The following MAPK8IP3 variants were observed in gnomAD, a reference collection of about 807,000 sequenced individuals.
MAPK8IP3 encodes the protein mitogen-activated protein kinase 8 interacting protein 3.
Under a neutral mutation model 157.8 loss-of-function variants are expected in MAPK8IP3, and 49 were observed. The observed-to-expected ratio is 0.31, with a 90% CI of 0.25 to 0.39. The LOEUF is 0.39. MAPK8IP3 is among the 10% of genes least tolerant of loss of function. The pLI, the probability that MAPK8IP3 is intolerant of heterozygous loss-of-function variation, is 1.00. For missense variants in MAPK8IP3, 1,478 were observed against 1,889.4 expected, an observed-to-expected ratio of 0.78 and a Z score of 4.04; for synonymous variants, 897 against 777.7, an observed-to-expected ratio of 1.15 and a Z score of -2.55.
Position 1,764,994 on chromosome 16 carries a change from A to G in MAPK8IP3, c.2281-19A>G. On this transcript the variant is annotated intron_variant, in intron 19 of 31. Coordinates refer to ENST00000610761, the MANE Select transcript of MAPK8IP3 (RefSeq NM_001318852.2). ...GCCTCAAGCTCGGGCTCTGACCTTG[A>G]TCCCGTGCCCTGAAACAGGCCAAGG... 1 of 1,592,800 alleles carries G rather than the reference A, an allele frequency of 6.3e-7. No individual in the cohort carries two copies. The highest frequency in any genetic ancestry group is 8.6e-7 in the Non-Finnish European group (1 of 1,164,142).
intron 8 of MAPK8IP3, among the ~76,000 whole-genome samples, chr16:1,754,197 A>G (rs112217015): frequency 6.6e-6 from 1 of 152,120 alleles, no homozygotes; most frequent in African/African-American, 2.4e-5. Flanking sequence ...AATTGGCCTA[A>G]TAGGGAGTAA....
In MAPK8IP3 at chr16:1,724,829, GC is replaced by G. The variant is rs2038764956; in HGVS notation, c.439+154del. 9.6e-7 allele frequency: 1 copy of G among 1,038,194 alleles called. No homozygotes were observed. The allele number at this position is 1,038,194 out of a possible 1,614,324, so 64.3% of individuals were successfully genotyped here. On this transcript the variant is annotated intron_variant, in intron 2 of 31. Transcript: ENST00000610761. The surrounding 1 kb of genome is among the most constrained non-coding windows in gnomAD (Gnocchi z 4.1). ...ATGTATTCCAGCTCTTTGTACTGCT[GC>G]CTGTTTCTGTAATGGGCCCCAGATT...
chr16:1,766,843 A>G lies in MAPK8IP3; in HGVS notation c.3020+40A>G, dbSNP rs568241488. On this transcript the variant is annotated intron_variant, in intron 24 of 31. Coordinates refer to ENST00000610761, the MANE Select transcript of MAPK8IP3 (RefSeq NM_001318852.2). ...ACCGAGGGCCGGGCGGCGCGGGGGAACGGGGCGGAGGGGGCTGGCACAGCC... is the reference window on the plus strand; with the variant it reads ...ACCGAGGGCCGGGCGGCGCGGGGGAGCGGGGCGGAGGGGGCTGGCACAGCC... 1.7e-4 allele frequency: 277 copies of G among 1,611,930 alleles called. 6 individuals carry two copies. In the South Asian group the frequency reaches 2.9e-3, roughly 17 times the overall value.
In MAPK8IP3 at chr16:1,743,515, G is replaced by T; in HGVS notation, c.747+39G>T. ...GCCGTGGAGTGAGAGGCTCCTCCCTGTTGCTGGTGTTCCCCGTTCACTGGG... is the reference window on the plus strand; with the variant it reads ...GCCGTGGAGTGAGAGGCTCCTCCCTTTTGCTGGTGTTCCCCGTTCACTGGG... On this transcript the variant is annotated intron_variant, in intron 5 of 31. Transcript: ENST00000610761. This position sits in a 1 kb window ranked among gnomAD's most constrained non-coding sequence, Gnocchi z 5.6. 1 of 1,600,748 alleles carries T rather than the reference G, an allele frequency of 6.2e-7. No individual in the cohort carries two copies.
At chr16:1,727,024 G>T (rs1267203330) in intron 2 of MAPK8IP3, among the ~76,000 whole-genome samples, 3 of 150,900 alleles carry the variant, frequency 2.0e-5, no homozygotes, top group Non-Finnish European at 3.0e-5. Flanking sequence ...GCTGTGTGCG[G>T]CATCTGTGTG....
chr16:1,758,052 G>C (rs2041717336), intron 8 of MAPK8IP3, 96 bp from the exon 9 acceptor site: 1 of 1,278,776 alleles, frequency 7.8e-7, no homozygotes, highest in Non-Finnish European at 1.1e-6. Context: ...ATCATTGCTG[G>C]GTTTTCTGTA....
intron 2 of MAPK8IP3, among the ~76,000 whole-genome samples, chr16:1,725,522 G>A (rs1057106245): frequency 6.6e-6 from 1 of 151,504 alleles, no homozygotes; most frequent in Non-Finnish European, 1.5e-5. Flanking sequence ...AGCTACTCGG[G>A]CAACTGAGGC....
Position 1,751,099 on chromosome 16 carries a change from C to T in MAPK8IP3, c.1216+2379C>T, listed in dbSNP as rs1373323575. ...CCGTGGGTGGCAGCACTGACGGGCA[C>T]GGCCACCGTCGGTCCTTACTGCAGC... On this transcript the variant is annotated intron_variant, in intron 8 of 31. Transcript: ENST00000610761. The surrounding 1 kb of genome is among the most constrained non-coding windows in gnomAD (Gnocchi z 5.0). Among the ~76,000 whole-genome samples the T allele has an allele frequency of 2.0e-5, 3 of 152,192 alleles. No homozygotes were observed. The highest frequency in any genetic ancestry group is 2.9e-5 in the Non-Finnish European group (2 of 68,026).
intron 1 of MAPK8IP3, among the ~76,000 whole-genome samples, chr16:1,721,448 T>C (rs551440561): frequency 3.9e-5 from 6 of 152,320 alleles, no homozygotes; most frequent in Admixed American, 1.3e-4. Context: ...AAAACCTTTT[T>C]TTTTAGAGAG....
intron 2 of MAPK8IP3, among the ~76,000 whole-genome samples, chr16:1,727,380 C>T (rs1417563117): frequency 6.6e-6 from 1 of 151,824 alleles, no homozygotes; most frequent in Non-Finnish European, 1.5e-5. Context: ...TGTTATTTAC[C>T]ATGTGTGTTA....
At chr16:1,728,354 C>T (rs1380256342) in intron 2 of MAPK8IP3, among the ~76,000 whole-genome samples, 2 of 152,232 alleles carry the variant, frequency 1.3e-5, no homozygotes, top group Non-Finnish European at 2.9e-5. Flanking sequence ...CTGCCAGACA[C>T]GACCCTTTGA....
intron 1 of MAPK8IP3, among the ~76,000 whole-genome samples, chr16:1,720,133 C>T (rs1260724260): frequency 1.3e-5 from 2 of 152,194 alleles, no homozygotes; most frequent in African/African-American, 4.8e-5. Context: ...AACCTGGGTT[C>T]AAGCAATTCT....
intron 1 of MAPK8IP3, among the ~76,000 whole-genome samples, chr16:1,720,436 C>T (rs1390867300): frequency 6.6e-6 from 1 of 152,150 alleles, no homozygotes; most frequent in Non-Finnish European, 1.5e-5. Context: ...CAGCAGAACA[C>T]ACACCTGCCA....
At chr16:1,736,721 ACCGTCCGTGTGAGC>A (rs2039898818) in intron 4 of MAPK8IP3, among the ~76,000 whole-genome samples, 2 of 62,452 alleles carry the variant, frequency 3.2e-5, no homozygotes, top group African/African-American at 7.8e-5. Context: ...TGAGCGTGTG[ACCGTCCGTGTGAGC>A]GTGTGACCAT....
chr16:1,735,403 G>A (rs373685296), intron 4 of MAPK8IP3, among the ~76,000 whole-genome samples: 16 of 150,062 alleles, frequency 1.1e-4, no homozygotes, highest in Non-Finnish European at 1.8e-4. Flanking sequence ...ACGTGTGACC[G>A]TCCATGTGAG....
chr16:1,770,331 G>T lies in MAPK8IP3; in HGVS notation c.*1507G>T. The T allele has an allele frequency of 3.1e-6, 1 of 319,986 alleles. No homozygotes were observed. Among genetic ancestry groups the T allele is most frequent in the Non-Finnish European group, 5.7e-6 (1 of 174,754 alleles). 19.8% of individuals were successfully genotyped at this position (319,986 alleles called of 1,614,324 possible). A position where few individuals can be genotyped will look rare whatever the true frequency, so the allele number is the denominator to read the frequency against. ...CTTAACGTCGTAGCTGCCTGTTCCT[G>T]GGCCCAAATCGAAACGAAAACGAGG... On this transcript the variant is annotated 3_prime_UTR_variant, in exon 32 of 32. Coordinates refer to ENST00000610761, the MANE Select transcript of MAPK8IP3 (RefSeq NM_001318852.2).
intron 8 of MAPK8IP3, 113 bp downstream of exon 8, chr16:1,748,833 T>C (rs1455390403): frequency 4.3e-6 from 4 of 920,350 alleles, no homozygotes; most frequent in Middle Eastern, 2.1e-4. Flanking sequence ...GCTAGGAACC[T>C]TTTTTTTTCC....
rs759754034 is a variant in MAPK8IP3 at position 1,769,816 on chromosome 16, T to C, written c.*992T>C. The C allele has an allele frequency of 6.6e-6, 1 of 152,350 alleles. No homozygotes were observed. The highest frequency in any genetic ancestry group is 1.5e-5 in the Non-Finnish European group (1 of 68,046). 9.4% of individuals were successfully genotyped at this position (152,350 alleles called of 1,614,324 possible). ...AGACACGCTACTAAGTGCCTAGGGT[T>C]GCCCGCTGTGGCCTGCTTCCAGGGA... On this transcript the variant is annotated 3_prime_UTR_variant, in exon 32 of 32. Transcript: ENST00000610761.
intron 1 of MAPK8IP3, among the ~76,000 whole-genome samples, chr16:1,712,980 TG>T (rs1274556135): frequency 6.6e-6 from 1 of 152,230 alleles, no homozygotes; most frequent in Non-Finnish European, 1.5e-5. Flanking sequence ...CTGAGCCTGT[TG>T]TTTCCTTTTC....
Sources: allele counts gnomAD v4.1 joint callset (sites outside exome capture counted in the v4.1 genomes callset), GRCh38; gene constraint gnomAD v4.1.1; non-coding constraint Gnocchi (gnomAD v3.1); transcripts MANE v1.5; gene names NCBI Gene and HGNC (gene_info 2026-07-23, HGNC 2026-07-21).